Variants in NUP107 observed in about 807,000 individuals in gnomAD.
The protein encoded by NUP107 is nucleoporin 107.
In NUP107, 101 loss-of-function variants were observed where a neutral mutation model predicts 141.0. The ratio of observed to expected loss-of-function variants is 0.72; its 90% CI spans 0.61 to 0.84. NUP107 has a LOEUF of 0.84. Among genes scored for constraint, NUP107 ranks in the 40% least tolerant of loss-of-function variants. The pLI is 0.00. For missense variants in NUP107, 941 were observed against 1,102.7 expected (o/e 0.85, Z 2.08); for synonymous variants, 319 against 363.9 (o/e 0.88, Z 1.41).
chr12:68,719,659 GATAA>G lies in NUP107; in HGVS notation c.1251+11_1251+14del, dbSNP rs1877271490. The stretch of plus-strand genomic sequence containing the variant: ...TGCTGGAGAATGGCAGAAGATGTAA[GATAA>G]ATAAAATATTCAGTGATACTGTTTT... On this transcript the variant is annotated splice_donor_region_variant and intron_variant, in intron 14 of 27. Coordinates refer to ENST00000229179, the MANE Select transcript of NUP107 (RefSeq NM_020401.4). The G allele has an allele frequency of 6.3e-7, 1 of 1,590,320 alleles. No individual in the cohort carries two copies. Among genetic ancestry groups the G allele is most frequent in the African/African-American group, 1.3e-5 (1 of 74,468 alleles).
chr12:68,745,181 G>A lies in NUP107; in HGVS notation c.*2719G>A, dbSNP rs1057115019. 5.3e-5 allele frequency: 8 copies of A among 152,122 alleles called. No homozygotes were observed. Among genetic ancestry groups the A allele is most frequent in the African/African-American group, 1.9e-4 (8 of 41,412 alleles). 9.4% of individuals were successfully genotyped at this position (152,122 alleles called of 1,614,324 possible). A position where few individuals can be genotyped will look rare whatever the true frequency, so the allele number is the denominator to read the frequency against. On this transcript the variant is annotated 3_prime_UTR_variant, in exon 28 of 28. Transcript: ENST00000229179. ...TCCTCCCACGTCAGTCTCTCAAATA[G>A]CTGGGACTACAGGCCCACGCCACCA...
rs1177403168 is a variant in NUP107, at chr12:68,735,246, T to C, written c.2404T>C (p.Trp802Arg). 1 of 1,613,214 alleles carries C rather than the reference T, an allele frequency of 6.2e-7. No homozygotes were observed. Among genetic ancestry groups the C allele is most frequent in the Non-Finnish European group, 8.5e-7 (1 of 1,179,172 alleles). ...TGTTTTGCAGATGGATTTTGGTATT[T>C]GGAAAGGGCATTTGGATGCCCTAAC... Reference protein sequence around the residue: ...EKKYEMDFGIWKGHLDALTAD... With the variant: ...EKKYEMDFGIRKGHLDALTAD... The change falls in exon 26 of 28, where the codon TGG becomes CGG. Residue 802 changes from tryptophan to arginine, a missense_variant. Transcript: ENST00000229179.
rs756993607 is a variant in NUP107 at position 68,713,837 on chromosome 12, T to C, written c.969+29T>C. ...AATGTTCTTTGAAATGAAAGTTGCC[T>C]TCAAAGTTAACTGATTTTTTTTTTC... On this transcript the variant is annotated intron_variant, in intron 11 of 27. Coordinates refer to ENST00000229179, the MANE Select transcript of NUP107 (RefSeq NM_020401.4). The C allele has an allele frequency of 1.9e-6, 3 of 1,559,858 alleles. No homozygotes were observed. In the East Asian group the frequency reaches 6.8e-5, roughly 35 times the overall value.
rs776230403 is a variant in NUP107, at chr12:68,710,480, C to T, written c.890+387C>T. On this transcript the variant is annotated intron_variant, in intron 10 of 27. Transcript: ENST00000229179. ...GACCAGCCTGACCAACATGGTAAAACCCTGTCTCTGCTAAAAATACAAAAA... is the reference window on the plus strand; with the variant it reads ...GACCAGCCTGACCAACATGGTAAAATCCTGTCTCTGCTAAAAATACAAAAA... Among the ~76,000 whole-genome samples the T allele has an allele frequency of 8.6e-4, 130 of 151,888 alleles. 2 individuals carry two copies. The highest frequency in any genetic ancestry group is 8.4e-4 in the Non-Finnish European group (57 of 67,928).
chr12:68,734,251 T>A (rs1455748581), intron 24 of NUP107, among the ~76,000 whole-genome samples: 2 of 151,730 alleles, frequency 1.3e-5, no homozygotes, highest in Non-Finnish European at 2.9e-5. Flanking sequence ...CTTTATTAGA[T>A]CATGTACTCC....
intron 18 of NUP107, among the ~76,000 whole-genome samples, chr12:68,726,231 A>G (rs1343518927): frequency 6.6e-6 from 1 of 152,154 alleles, no homozygotes; most frequent in Non-Finnish European, 1.5e-5. Flanking sequence ...GTGACTTACC[A>G]TATCTTTTAA....
chr12:68,733,368 A>C, intron 23 of NUP107, 84 bp from the exon 24 acceptor site: 3 of 1,336,354 alleles, frequency 2.2e-6, no homozygotes, highest in Non-Finnish European at 3.1e-6. Context: ...TCACTGTAAA[A>C]TTGGTAAACC....
intron 24 of NUP107, among the ~76,000 whole-genome samples, chr12:68,734,177 T>C (rs1877965407): frequency 6.6e-6 from 1 of 152,134 alleles, no homozygotes; most frequent in African/African-American, 2.4e-5. Flanking sequence ...CTTCAGAGGC[T>C]GAGGTGGGAG....
At chr12:68,710,217 T>G in intron 10 of NUP107, 124 bp downstream of exon 10, 1 of 555,258 alleles carries the variant, frequency 1.8e-6, no homozygotes, top group South Asian at 2.1e-5. Context: ...TTGTTTGGTG[T>G]GTGAGCAAAA....
chr12:68,700,520 C>G (rs1876277647), intron 6 of NUP107, among the ~76,000 whole-genome samples: 1 of 152,128 alleles, frequency 6.6e-6, no homozygotes, highest in African/African-American at 2.4e-5. Flanking sequence ...TATATATACT[C>G]AGATAAACAC....
chr12:68,725,846 T>TTTG (rs781487283), intron 18 of NUP107, 50 bp downstream of exon 18: 34 of 1,057,684 alleles, frequency 3.2e-5, no homozygotes, highest in Non-Finnish European at 4.3e-5. Flanking sequence ...TGTTTTTTTT[T>TTTG]TTTTTTTTGA....
chr12:68,696,687 TG>T, intron 5 of NUP107, 131 bp from the exon 6 acceptor site: 1 of 562,514 alleles, frequency 1.8e-6, no homozygotes, highest in Non-Finnish European at 3.1e-6. Flanking sequence ...CACTCCACCC[TG>T]GACAACAAGA....
At chr12:68,722,369 G>A (rs909053576) in intron 17 of NUP107, among the ~76,000 whole-genome samples, 1 of 151,912 alleles carries the variant, frequency 6.6e-6, no homozygotes, top group African/African-American at 2.4e-5. Flanking sequence ...ATGCACGTAA[G>A]CTATATTTAT....
chr12:68,734,538 CATTT>C (rs1256827460), intron 24 of NUP107, among the ~76,000 whole-genome samples, 166 bp from the exon 25 acceptor site: 1 of 152,036 alleles, frequency 6.6e-6, no homozygotes, highest in East Asian at 1.9e-4. Context: ...CTTGACAAAA[CATTT>C]ATTCATGATA....
At chr12:68,691,476 TA>T (rs1283056747) in intron 4 of NUP107, among the ~76,000 whole-genome samples, 1 of 152,140 alleles carries the variant, frequency 6.6e-6, no homozygotes, top group Admixed American at 6.5e-5. Flanking sequence ...GGAACAGTAT[TA>T]AAAATAGCAA....
chr12:68,726,253 A>G (rs942576850), intron 18 of NUP107, among the ~76,000 whole-genome samples: 2 of 152,176 alleles, frequency 1.3e-5, no homozygotes, highest in African/African-American at 4.8e-5. Flanking sequence ...CTTGATAAAT[A>G]TTAACCTATT....
intron 24 of NUP107, 141 bp from the exon 25 acceptor site, chr12:68,734,567 G>GA (rs200255146): frequency 1.4e-5 from 9 of 647,202 alleles, no homozygotes; most frequent in South Asian, 2.4e-5. Context: ...TTTTTGGAGG[G>GA]AAAAAAATAT....
chr12:68,717,602 G>A (rs1017308383), intron 12 of NUP107, among the ~76,000 whole-genome samples: 2 of 152,082 alleles, frequency 1.3e-5, no homozygotes, highest in African/African-American at 2.4e-5. Flanking sequence ...CATCACCACT[G>A]TCTGTTTCTA....
rs1356242878 is a variant in NUP107, at chr12:68,732,670, T to C, written c.2032T>C (p.Leu678=). ...DRLKIDVIDW[L]VFDPAQRAEA... is the part of the protein sequence containing the mutation. ...TTTAAAAATTGATGTAATTGACTGG[T>C]TGGTATTTGACCCAGCGCAGAGGGC... is the stretch of plus-strand genomic sequence containing the variant. The change falls in exon 23 of 28, where the codon TTG becomes CTG. Residue 678 remains leucine, a synonymous_variant. Coordinates refer to ENST00000229179, the MANE Select transcript of NUP107 (RefSeq NM_020401.4). 1 of 1,603,426 alleles carries C rather than the reference T, an allele frequency of 6.2e-7. No homozygotes were observed. The highest frequency in any genetic ancestry group is 8.5e-7 in the Non-Finnish European group (1 of 1,172,778).
Sources: allele counts gnomAD v4.1 joint callset (sites outside exome capture counted in the v4.1 genomes callset), GRCh38; gene constraint gnomAD v4.1.1; transcripts MANE v1.5; gene names NCBI Gene and HGNC (gene_info 2026-07-23, HGNC 2026-07-21).